Variants in GPR89B observed in about 807,000 individuals in gnomAD.
GPR89B encodes G protein-coupled receptor 89B.
GPR89B carries 25 observed loss-of-function variants against 52.4 expected under a neutral mutation model. The observed-to-expected ratio is 0.48, with a 90% CI of 0.35 to 0.67. The LOEUF is 0.67. Among genes scored for constraint, GPR89B ranks in the 30% least tolerant of loss-of-function variants. GPR89B has a pLI of 0.01. For synonymous variants in GPR89B, 52 were observed against 151.2 expected (o/e 0.34, Z 4.81); for missense variants, 146 against 450.2 (o/e 0.32, Z 6.11).
the GPR89B span, chr1:148,011,975 CCCG>C: frequency 1.3e-5 from 2 of 152,096 alleles, no homozygotes; most frequent in African/African-American, 2.4e-5. Flanking sequence ...GGTGGATTCC[CCCG>C]GCTCTCCAGC....
At chr1:147,996,165 A>G (rs1217755339), downstream of GPR89B, among the ~76,000 whole-genome samples, 1 of 152,156 alleles carries the variant, frequency 6.6e-6, no homozygotes, top group African/African-American at 2.4e-5. Flanking sequence ...TTCACTCCCA[A>G]CTTGAAAGCT....
At chr1:147,995,591 C>G (rs1297216925), downstream of GPR89B, 6 of 1,608,412 alleles carry the variant, frequency 3.7e-6, no homozygotes, top group East Asian at 1.1e-4. Context: ...TAGGCCCCCA[C>G]TCACCCGTTC....
intron 7 of GPR89B, among the ~76,000 whole-genome samples, chr1:147,956,990 T>C (rs1294066377): frequency 6.6e-5 from 10 of 151,892 alleles, no homozygotes; most frequent in Admixed American, 1.3e-4. Context: ...CTGCCCACCT[T>C]GGCCTCCCAA....
chr1:147,952,992 TCTTA>T (rs1277945993), intron 5 of GPR89B, among the ~76,000 whole-genome samples: 43 of 151,266 alleles, frequency 2.8e-4, no homozygotes, highest in Admixed American at 2.8e-3. Context: ...AGATTTACTT[TCTTA>T]GTTTTTTTTT....
At chr1:148,024,073 C>G in the GPR89B span, among the ~76,000 whole-genome samples, 2 of 147,398 alleles carry the variant, frequency 1.4e-5, no homozygotes, top group Non-Finnish European at 3.0e-5. Flanking sequence ...GCTTTGAGGT[C>G]CCAGTATATA....
chr1:147,940,394 C>T (rs1197939873), intron 3 of GPR89B, among the ~76,000 whole-genome samples: 2 of 151,592 alleles, frequency 1.3e-5, no homozygotes, highest in Non-Finnish European at 2.9e-5. Context: ...CAGAGCAAGA[C>T]TCCATCTCAA....
the GPR89B span, among the ~76,000 whole-genome samples, chr1:148,022,150 A>G: frequency 1.3e-5 from 2 of 151,818 alleles, no homozygotes; most frequent in Non-Finnish European, 2.9e-5. Flanking sequence ...CAGGAGGTTT[A>G]CCATTTTTTA....
intron 7 of GPR89B, among the ~76,000 whole-genome samples, chr1:147,965,787 G>A (rs1166117387): frequency 0.043 from 6,575 of 152,004 alleles, 125 homozygotes; most frequent in African/African-American, 0.071. Context: ...CATGTATTGC[G>A]TTCCAAACTC....
At chr1:147,997,906 T>A (rs1481257620), downstream of GPR89B, among the ~76,000 whole-genome samples, 1 of 152,194 alleles carries the variant, frequency 6.6e-6, no homozygotes, top group African/African-American at 2.4e-5. Context: ...TCTGCGCTTA[T>A]TTATTTTGCT....
the GPR89B span, among the ~76,000 whole-genome samples, chr1:148,001,834 T>C: frequency 6.6e-6 from 1 of 151,656 alleles, no homozygotes; most frequent in Admixed American, 6.6e-5. Flanking sequence ...TCCCAGAAAG[T>C]CAGTGGGCAT....
At chr1:147,950,718 G>T (rs1170195247) in intron 5 of GPR89B, among the ~76,000 whole-genome samples, 3 of 152,138 alleles carry the variant, frequency 2.0e-5, no homozygotes, top group Non-Finnish European at 4.4e-5. Flanking sequence ...ATCACTCGCA[G>T]TTCGGAGCTG....
the GPR89B span, among the ~76,000 whole-genome samples, chr1:148,023,474 T>C: frequency 7.0e-6 from 1 of 142,084 alleles, no homozygotes; most frequent in Non-Finnish European, 1.5e-5. Flanking sequence ...ATGAGATTAC[T>C]GGTTGAAAAA....
chr1:147,989,644 A>G lies in GPR89B; in HGVS notation c.1095+1123A>G, dbSNP rs1223130770. On this transcript the variant is annotated intron_variant, in intron 12 of 13. Transcript: ENST00000314163. The stretch of plus-strand genomic sequence containing the variant: ...CCCCTTCCTGTGTCCAAGTGTTCTC[A>G]TTGTTCAATTCCCACCTATGAGTGG... Among the ~76,000 whole-genome samples, 399 of 151,190 alleles carry G rather than the reference A, an allele frequency of 2.6e-3. 8 individuals are homozygous for G. The highest frequency in any genetic ancestry group is 3.2e-3 in the Non-Finnish European group (216 of 67,834).
At chr1:148,017,205 G>C in the GPR89B span, among the ~76,000 whole-genome samples, 29 of 151,326 alleles carry the variant, frequency 1.9e-4, no homozygotes, top group East Asian at 1.6e-3. Flanking sequence ...GGACACCCAG[G>C]TAATTTTTTG....
At chr1:148,017,743 AAAT>A in the GPR89B span, among the ~76,000 whole-genome samples, 52 of 82,236 alleles carry the variant, frequency 6.3e-4, no homozygotes, top group East Asian at 0.016. Context: ...GTCTCAAAAT[AAAT>A]AAATAAAATA....
the GPR89B span, chr1:148,005,475 A>T: frequency 2.5e-6 from 4 of 1,605,108 alleles, no homozygotes; most frequent in African/African-American, 4.2e-5. Context: ...CCACACCTTG[A>T]GGTGTAATAT....
the GPR89B span, among the ~76,000 whole-genome samples, chr1:148,004,520 G>C: frequency 8.0e-6 from 1 of 125,722 alleles, no homozygotes; most frequent in African/African-American, 3.0e-5. Flanking sequence ...TACCCACATA[G>C]GTGCTAACTG....
chr1:147,958,364 T>C (rs1656279129), intron 7 of GPR89B, among the ~76,000 whole-genome samples: 1 of 151,522 alleles, frequency 6.6e-6, no homozygotes. Context: ...GAAATGAATA[T>C]ATAAAAGTGA....
intron 5 of GPR89B, among the ~76,000 whole-genome samples, chr1:147,949,786 C>T (rs1395212532): frequency 3.4e-5 from 5 of 145,628 alleles, no homozygotes; most frequent in African/African-American, 8.0e-5. Flanking sequence ...AGACGGCTGG[C>T]CGGGCAGGGG....
Sources: gnomAD v4.1 joint callset for allele counts (sites outside exome capture counted in the v4.1 genomes callset) on GRCh38, gnomAD v4.1.1 for gene constraint, MANE v1.5 for transcripts, NCBI Gene and HGNC (gene_info 2026-07-23, HGNC 2026-07-21) for gene names.